PFAS: variants seen among roughly 807,000 people sequenced by gnomAD.
PFAS encodes FGAM synthase.
In PFAS, 97 loss-of-function variants were observed where a neutral mutation model predicts 140.6. The observed-to-expected ratio is 0.69, with a 90% CI of 0.59 to 0.82. PFAS has a LOEUF of 0.82. Among genes scored for constraint, PFAS ranks in the 40% least tolerant of loss-of-function variants. The pLI, the probability that PFAS is intolerant of heterozygous loss-of-function variation, is 0.00. For missense variants in PFAS, 1,656 were observed against 1,780.2 expected (o/e 0.93, Z 1.26); for synonymous variants, 679 against 718.8 (o/e 0.94, Z 0.88).
chr17:8,258,263 G>A (rs1471056499), intron 11 of PFAS, 64 bp downstream of exon 11: 1 of 1,580,510 alleles, frequency 6.3e-7, no homozygotes, highest in African/African-American at 1.4e-5. Context: ...ATGGCTACAG[G>A]GAGGGAACTT....
At chr17:8,264,853 C>T (rs780802977) in intron 17 of PFAS, 42 bp from the exon 18 acceptor site, 1 of 1,389,098 alleles carries the variant, frequency 7.2e-7, no homozygotes, top group South Asian at 1.3e-5. Flanking sequence ...CTCAGGCTGT[C>T]CCTGTCCCTT....
intron 11 of PFAS, among the ~76,000 whole-genome samples, chr17:8,258,643 C>T (rs538349783): frequency 6.6e-6 from 1 of 152,176 alleles, no homozygotes; most frequent in South Asian, 2.1e-4. Flanking sequence ...GAGTTCAAGA[C>T]CAGCCTGACC....
chr17:8,258,483 C>T (rs1206914048), intron 11 of PFAS, among the ~76,000 whole-genome samples: 1 of 152,160 alleles, frequency 6.6e-6, no homozygotes, highest in Non-Finnish European at 1.5e-5. Context: ...ATTTTGTACA[C>T]TTGGGAGCCA....
chr17:8,250,021 T>C (rs1283473509), intron 1 of PFAS, among the ~76,000 whole-genome samples: 1 of 152,162 alleles, frequency 6.6e-6, no homozygotes, highest in African/African-American at 2.4e-5. Flanking sequence ...CTTGAGTGGC[T>C]AGTGAAGCCT....
chr17:8,265,834 C>T (rs1378714870), intron 20 of PFAS, 28 bp from the exon 21 acceptor site: 3 of 1,576,144 alleles, frequency 1.9e-6, no homozygotes, highest in Non-Finnish European at 2.6e-6. Flanking sequence ...AGCTGTTCCC[C>T]TCCCCTCACC....
intron 11 of PFAS, among the ~76,000 whole-genome samples, chr17:8,260,913 C>T (rs139969715): frequency 1.2e-4 from 18 of 152,270 alleles, no homozygotes; most frequent in South Asian, 2.1e-4. Flanking sequence ...CGTGAGCCAC[C>T]GCGCCCGGCC....
chr17:8,263,535 A>G (rs1989678926), intron 13 of PFAS, 40 bp from the exon 14 acceptor site: 2 of 1,567,288 alleles, frequency 1.3e-6, no homozygotes, highest in Admixed American at 3.3e-5. Context: ...TTGCCTGACC[A>G]CCACTAGGTC....
chr17:8,264,682 G>A, intron 17 of PFAS, 81 bp downstream of exon 17: 3 of 1,450,848 alleles, frequency 2.1e-6, no homozygotes, highest in Non-Finnish European at 2.8e-6. Context: ...AGAAAGTGCT[G>A]TGGGGGTTTT....
chr17:8,255,890 T>C lies in PFAS; in HGVS notation c.660T>C (p.Phe220=). The C allele has an allele frequency of 6.2e-7, 1 of 1,613,706 alleles. No individual in the cohort carries two copies. Among genetic ancestry groups the C allele is most frequent in the Non-Finnish European group, 8.5e-7 (1 of 1,179,642 alleles). ...LQRNPSTVEA[F]DLAQSNSEHS... is the part of the protein sequence containing the mutation. The stretch of plus-strand genomic sequence containing the variant: ...GGAACCCGAGCACTGTGGAGGCCTT[T>C]GACTTGGCGCAGTCCAATAGGTGAG... The change falls in exon 6 of 28, where the codon TTT becomes TTC. Residue 220 remains phenylalanine, a synonymous_variant. Coordinates refer to ENST00000314666, the MANE Select transcript of PFAS (RefSeq NM_012393.3).
Position 8,264,577 on chromosome 17 carries a change from C to T in PFAS, c.2025C>T (p.Ala675=), listed in dbSNP as rs1231323683. ...LERVLRLPAV[A]SKRYLTNKVD... is the part of the protein sequence containing the mutation. ...GGGTTCTGAGGCTGCCCGCCGTGGCCAGCAAGCGCTACCTCACCAATAAGG... is the reference window on the plus strand; with the variant it reads ...GGGTTCTGAGGCTGCCCGCCGTGGCTAGCAAGCGCTACCTCACCAATAAGG... The change falls in exon 17 of 28, where the codon GCC becomes GCT. Residue 675 remains alanine (A), a synonymous_variant. Coordinates refer to ENST00000314666, the MANE Select transcript of PFAS (RefSeq NM_012393.3). 1 of 1,613,330 alleles carries T rather than the reference C, an allele frequency of 6.2e-7. No individual in the cohort carries two copies. The highest frequency in any genetic ancestry group is 2.2e-5 in the East Asian group (1 of 44,870).
At position 8,257,816 on chromosome 17, in the gene PFAS, T is replaced by G. The variant is rs746500115; in HGVS notation, c.1085T>G (p.Leu362Arg). Residue 362 changes from leucine (L) to arginine (R), a missense_variant, in exon 10 of 28, where the codon CTG becomes CGG. Around this residue, in one of 2 missense-constraint regions of PFAS, gnomAD observed 773 missense variants for 757.3 expected, o/e 1.02. Transcript: ENST00000314666. ...TCTCCTTCCCTCCCAGGTTACAATC[T>G]GCCCTGGGAGGATCCAAGCTTCCAG... Reference protein sequence around the residue: ...FGNLHIPGYNLPWEDPSFQYP... With the variant: ...FGNLHIPGYNRPWEDPSFQYP... The G allele has an allele frequency of 3.5e-5, 56 of 1,613,894 alleles. No homozygotes were observed. Among genetic ancestry groups the G allele is most frequent in the Non-Finnish European group, 4.3e-5 (51 of 1,179,886 alleles).
intron 4 of PFAS, 73 bp downstream of exon 4, chr17:8,255,205 GCAGGGA>G (rs1340418326): frequency 7.9e-6 from 9 of 1,137,852 alleles, no homozygotes; most frequent in Non-Finnish European, 1.2e-5. Context: ...CTAGAGAGAA[GCAGGGA>G]CAGGTGCTCC....
chr17:8,265,290 T>A lies in PFAS; in HGVS notation c.2283T>A (p.Asp761Glu). The A allele has an allele frequency of 6.2e-7, 1 of 1,612,712 alleles. No individual in the cohort carries two copies. Among genetic ancestry groups the A allele is most frequent in the Non-Finnish European group, 8.5e-7 (1 of 1,179,124 alleles). The change falls in exon 19 of 28, where the codon GAT becomes GAA. Residue 761 changes from aspartate to glutamate, a missense_variant and splice_region_variant. This residue lies in a region of PFAS where 883 missense variants were observed against 1,023.0 expected (regional missense o/e 0.86). Transcript: ENST00000314666. ...LVFALVTDLR[D>E]VKCSGNWMWA... ...TGCTGTGCCTCTGCCACCCCCAGGA[T>A]GTGAAGTGTAGCGGGAACTGGATGT...
upstream of PFAS, chr17:8,248,031 C>A (rs777656768): frequency 1.2e-6 from 2 of 1,606,884 alleles, no homozygotes; most frequent in Non-Finnish European, 1.7e-6. Context: ...CCCGGCCAGC[C>A]GCCATGATGC....
In PFAS at chr17:8,266,797, G is replaced by T; in HGVS notation, c.2866G>T (p.Val956Leu). 1 of 1,612,606 alleles carries T rather than the reference G, an allele frequency of 6.2e-7. No homozygotes were observed. Reference sequence around the variant, plus strand: ...TGAGGAGCCAGGCCTCGTGCTGGAGGTGCAGGAGCCAGACCTGGCCCAGGT... The same window carrying T: ...TGAGGAGCCAGGCCTCGTGCTGGAGTTGCAGGAGCCAGACCTGGCCCAGGT... ...FAEEPGLVLE[V>L]QEPDLAQVLK... Residue 956 changes from valine to leucine, a missense_variant, in exon 23 of 28, where the codon GTG becomes TTG. Coordinates refer to ENST00000314666, the MANE Select transcript of PFAS (RefSeq NM_012393.3). The surrounding 1 kb of genome is among the most constrained non-coding windows in gnomAD (Gnocchi z 5.0).
At chr17:8,259,352 C>T (rs765960755) in intron 11 of PFAS, among the ~76,000 whole-genome samples, 7 of 152,044 alleles carry the variant, frequency 4.6e-5, no homozygotes, top group Non-Finnish European at 1.0e-4. Context: ...CTCACTGTGG[C>T]CTTGAGCTCC....
intron 1 of PFAS, among the ~76,000 whole-genome samples, chr17:8,253,633 G>T (rs1989244134): frequency 6.6e-6 from 1 of 151,990 alleles, no homozygotes; most frequent in Non-Finnish European, 1.5e-5. Flanking sequence ...TCTGCCTCCC[G>T]GGTTCAAGCA....
chr17:8,256,397 G>A lies in PFAS; in HGVS notation c.811G>A (p.Asp271Asn), dbSNP rs1989366664. Reference sequence around the variant, plus strand: ...CCCCAACAACGTCCTCAAATTCTGTGATAACAGCAGGTGCTGTGCCCTAGA... The same window carrying A: ...CCCCAACAACGTCCTCAAATTCTGTAATAACAGCAGGTGCTGTGCCCTAGA... Reference protein sequence around the residue: ...SNPNNVLKFCDNSSAIQGKEV... With the variant: ...SNPNNVLKFCNNSSAIQGKEV... The change falls in exon 7 of 28, where the codon GAT becomes AAT. Residue 271 changes from aspartate to asparagine, a missense_variant. By Grantham distance (23) the Asp-to-Asn change is conservative. Transcript: ENST00000314666. The A allele has an allele frequency of 6.2e-7, 1 of 1,614,102 alleles. No homozygotes were observed. Among genetic ancestry groups the A allele is most frequent in the Non-Finnish European group, 8.5e-7 (1 of 1,180,042 alleles).
Position 8,256,910 on chromosome 17 carries a change from C to T in PFAS, c.1022C>T (p.Ala341Val). Residue 341 changes from alanine (A) to valine (V), a missense_variant, in exon 9 of 28, where the codon GCC becomes GTC. Physicochemically the swap from Ala to Val is moderately conservative, Grantham distance 64 (BLOSUM62 0). This residue lies in a region of PFAS where 773 missense variants were observed against 757.3 expected (regional missense o/e 1.02). Transcript: ENST00000314666. ...GATGTCCAGTGCACAGGCCGCGGGG[C>T]CCACGTGGTGGCTGGCACTGCCGGC... Reference protein sequence around the residue: ...IRDVQCTGRGAHVVAGTAGYC... With the variant: ...IRDVQCTGRGVHVVAGTAGYC... The T allele has an allele frequency of 6.2e-7, 1 of 1,614,140 alleles. No homozygotes were observed. Among genetic ancestry groups the T allele is most frequent in the South Asian group, 1.1e-5 (1 of 91,082 alleles).
Sources: allele counts gnomAD v4.1 joint callset (sites outside exome capture counted in the v4.1 genomes callset), GRCh38; gene constraint gnomAD v4.1.1; regional missense constraint gnomAD v4.1.1; non-coding constraint Gnocchi (gnomAD v3.1); transcripts MANE v1.5; gene names NCBI Gene and HGNC (gene_info 2026-07-23, HGNC 2026-07-21).